The following DENND2B variants were observed in gnomAD, a reference collection of about 807,000 sequenced individuals.
DENND2B encodes the protein DENN domain-containing protein 2B.
A neutral mutation model predicts 116.0 loss-of-function variants in DENND2B; 32 were observed. The observed-to-expected ratio is 0.28, with a 90% CI of 0.21 to 0.37. The LOEUF is 0.37. Among genes scored for constraint, DENND2B ranks in the 10% least tolerant of loss-of-function variants. The pLI is 1.00. For missense variants in DENND2B, 1,276 were observed against 1,477.7 expected (o/e 0.86, Z 2.24); for synonymous variants, 588 against 583.9 (o/e 1.01, Z -0.10).
chr11:8,837,509 G>A (rs770663825), intron 4 of DENND2B, among the ~76,000 whole-genome samples: 5 of 152,106 alleles, frequency 3.3e-5, no homozygotes, highest in South Asian at 2.1e-4. Context: ...CACCATGCCC[G>A]GCTAATTTTT....
In DENND2B at chr11:8,693,921, A is replaced by G. The variant is rs1335725921; in HGVS notation, c.*175T>C. Reference sequence around the variant, plus strand: ...ACAAAAAACAGTTAAGAAAGCTTACAGCAGATTATTTACAAACAGTATCCT... The same window carrying G: ...ACAAAAAACAGTTAAGAAAGCTTACGGCAGATTATTTACAAACAGTATCCT... On this transcript the variant is annotated 3_prime_UTR_variant, in exon 20 of 20. Coordinates refer to ENST00000313726, the MANE Select transcript of DENND2B (RefSeq NM_213618.2). 7 of 595,268 alleles carry G rather than the reference A, an allele frequency of 1.2e-5. No individual in the cohort carries two copies. The highest frequency in any genetic ancestry group is 3.2e-5 in the Admixed American group (1 of 30,868). 36.9% of individuals were successfully genotyped at this position (595,268 alleles called of 1,614,324 possible). A position where few individuals can be genotyped will look rare whatever the true frequency, so the allele number is the denominator to read the frequency against.
Position 8,705,497 on chromosome 11 carries a change from G to A in DENND2B, c.2571+1588C>T, listed in dbSNP as rs763748942. On this transcript the variant is annotated intron_variant, in intron 13 of 19. Coordinates refer to ENST00000313726, the MANE Select transcript of DENND2B (RefSeq NM_213618.2). ...TTCCTCTCCTGCAGGGCCTCTGCAC[G>A]TTGGGGTTCCCCAGGACTGAGGAGG... is the stretch of plus-strand genomic sequence containing the variant. Among the ~76,000 whole-genome samples, 82 of 152,088 alleles carry A rather than the reference G, an allele frequency of 5.4e-4. 1 individual carries two copies. The highest frequency in any genetic ancestry group is 8.4e-4 in the Non-Finnish European group (57 of 68,014).
intron 2 of DENND2B, among the ~76,000 whole-genome samples, chr11:8,746,365 C>T (rs2051251139): frequency 6.6e-6 from 1 of 152,334 alleles, no homozygotes; most frequent in South Asian, 2.1e-4. Context: ...TGCCAATTAG[C>T]TGTGTGGGCT....
intron 4 of DENND2B, among the ~76,000 whole-genome samples, chr11:8,827,911 T>C (rs2062040773): frequency 6.6e-6 from 1 of 152,164 alleles, no homozygotes; most frequent in Non-Finnish European, 1.5e-5. Context: ...TTCCTTCCTC[T>C]ACTATCCAGG....
At chr11:8,827,684 G>A (rs149917846) in intron 4 of DENND2B, among the ~76,000 whole-genome samples, 9 of 152,266 alleles carry the variant, frequency 5.9e-5, no homozygotes, top group Admixed American at 1.3e-4. Context: ...TATGTGGTTG[G>A]GATTTGGGGG....
Position 8,730,241 on chromosome 11 carries a change from G to A in DENND2B, c.1049C>T (p.Pro350Leu). The part of the protein sequence containing the change: ...GVAGVAGEAG[P>L]PPEREGSGST... The stretch of plus-strand genomic sequence containing the variant: ...ACCACTGCCTTCCCTCTCTGGGGGT[G>A]GGCCCGCCTCCCCCGCAACACCAGC... Residue 350 changes from proline (P) to leucine (L), a missense_variant, in exon 3 of 20, where the codon CCA (proline) becomes CTA (leucine). Coordinates refer to ENST00000313726, the MANE Select transcript of DENND2B (RefSeq NM_213618.2). This position sits in a 1 kb window ranked among gnomAD's most constrained non-coding sequence, Gnocchi z 4.1. 3 of 1,612,170 alleles carry A rather than the reference G, an allele frequency of 1.9e-6. No individual in the cohort carries two copies. The highest frequency in any genetic ancestry group is 8.5e-7 in the Non-Finnish European group (1 of 1,179,402).
At chr11:8,890,436 C>T (rs900717186) in intron 1 of DENND2B, among the ~76,000 whole-genome samples, 5 of 152,148 alleles carry the variant, frequency 3.3e-5, no homozygotes, top group Non-Finnish European at 5.9e-5. Context: ...GATGATCAAA[C>T]TTCTCTGAGC....
rs772283096 is a variant in DENND2B, at chr11:8,730,019, G to C, written c.1271C>G (p.Ser424Cys). 9 of 1,614,216 alleles carry C rather than the reference G, an allele frequency of 5.6e-6. No homozygotes were observed. The highest frequency in any genetic ancestry group is 1.7e-5 in the Admixed American group (1 of 60,030). The change falls in exon 3 of 20, where the codon TCC (serine) becomes TGC (cysteine). Residue 424 changes from serine (S) to cysteine (C), a missense_variant. This residue lies in a region of DENND2B where 856 missense variants were observed against 846.6 expected (regional missense o/e 1.01). Coordinates refer to ENST00000313726, the MANE Select transcript of DENND2B (RefSeq NM_213618.2). The surrounding 1 kb of genome is among the most constrained non-coding windows in gnomAD (Gnocchi z 4.1). ...CCGGGTGACTGGCGGGGCTGGGGTGGAGGGCAAGGGAGGTGGAGCAGCAGG... is the reference window on the plus strand; with the variant it reads ...CCGGGTGACTGGCGGGGCTGGGGTGCAGGGCAAGGGAGGTGGAGCAGCAGG... ...PTPAAPPPLP[S>C]TPAPPVTRRP...
At chr11:8,828,940 A>AGTGTGTGTGTGTGGG (rs2062085168) in intron 4 of DENND2B, among the ~76,000 whole-genome samples, 1 of 151,114 alleles carries the variant, frequency 6.6e-6, no homozygotes, top group East Asian at 1.9e-4. Flanking sequence ...GGGAGGAGAA[A>AGTGTGTGTGTGTGGG]GTGTGTGTGT....
chr11:8,798,022 C>G (rs1565971769), intron 1 of DENND2B, among the ~76,000 whole-genome samples: 2 of 152,294 alleles, frequency 1.3e-5, no homozygotes, highest in East Asian at 3.9e-4. Context: ...GCTCACAGTT[C>G]AAACGTCATT....
chr11:8,809,561 A>G (rs903247295), intron 1 of DENND2B: 1 of 152,164 alleles, frequency 6.6e-6, no homozygotes, highest in Non-Finnish European at 1.5e-5. Flanking sequence ...CCACTACCCT[A>G]TCACCTATAA....
Position 8,712,820 on chromosome 11 carries a change from TG to T in DENND2B, c.1988-86del, listed in dbSNP as rs2044004388. The T allele has an allele frequency of 2.8e-6, 4 of 1,411,988 alleles. 1 individual carries two copies. Among genetic ancestry groups the T allele is most frequent in the South Asian group, 2.8e-5 (2 of 71,228 alleles). 87.5% of individuals were successfully genotyped at this position (1,411,988 alleles called of 1,614,324 possible). Reference sequence around the variant, plus strand: ...CCCCTGGCTCAGGGCTCCATTGCTGTGGAGCACTTTTAAGTACGTGAGCCTA... The same window carrying T: ...CCCCTGGCTCAGGGCTCCATTGCTGTGAGCACTTTTAAGTACGTGAGCCTA... On this transcript the variant is annotated intron_variant, in intron 8 of 19. Coordinates refer to ENST00000313726, the MANE Select transcript of DENND2B (RefSeq NM_213618.2). This position sits in a 1 kb window ranked among gnomAD's most constrained non-coding sequence, Gnocchi z 4.4.
Position 8,803,659 on chromosome 11 carries a change from C to T in DENND2B, c.-26+6858G>A, listed in dbSNP as rs565330359. ...AGCATATTTGTGTCTACAACTAAGT[C>T]GAGTGCCTTACATAAATTAACACAT... is the stretch of plus-strand genomic sequence containing the variant. On this transcript the variant is annotated intron_variant, in intron 1 of 19. Coordinates refer to ENST00000313726, the MANE Select transcript of DENND2B (RefSeq NM_213618.2). Among the ~76,000 whole-genome samples the T allele has an allele frequency of 4.6e-5, 7 of 152,320 alleles. No homozygotes were observed. In the East Asian group the frequency reaches 7.7e-4, roughly 17 times the overall value.
At chr11:8,718,788 T>C in intron 4 of DENND2B, 2 of 1,012,474 alleles carry the variant, frequency 2.0e-6, no homozygotes, top group Non-Finnish European at 2.4e-6. Context: ...CAAAACAGAA[T>C]CCCTGCCCTT....
intron 5 of DENND2B, among the ~76,000 whole-genome samples, chr11:8,717,150 C>T (rs11042049): frequency 2.0e-3 from 302 of 152,296 alleles, no homozygotes; most frequent in Non-Finnish European, 3.2e-3. Context: ...AGCTGAAGTC[C>T]AAGAGCTTCC....
At chr11:8,887,672 G>A (rs1164576007) in intron 1 of DENND2B, among the ~76,000 whole-genome samples, 3 of 152,104 alleles carry the variant, frequency 2.0e-5, no homozygotes, top group Non-Finnish European at 2.9e-5. Context: ...CATACTAGAA[G>A]GATCCTCTGC....
chr11:8,716,701 G>A (rs1104772), intron 5 of DENND2B, among the ~76,000 whole-genome samples: 253 of 151,368 alleles, frequency 1.7e-3, no homozygotes, highest in South Asian at 2.7e-3. Context: ...AGGTAGGAGT[G>A]CAGTGGAGCG....
Position 8,707,416 on chromosome 11 carries a change from C to T in DENND2B, c.2431-191G>A. ...TTGGCACTCAGTGACTCCTCTGTTCCCTAACTGGCCTTGCTTCAGTCCCCA... is the reference window on the plus strand; with the variant it reads ...TTGGCACTCAGTGACTCCTCTGTTCTCTAACTGGCCTTGCTTCAGTCCCCA... On this transcript the variant is annotated intron_variant, in intron 12 of 19. Coordinates refer to ENST00000313726, the MANE Select transcript of DENND2B (RefSeq NM_213618.2). This position sits in a 1 kb window ranked among gnomAD's most constrained non-coding sequence, Gnocchi z 4.8. 1.3e-6 allele frequency: 1 copy of T among 764,134 alleles called. No individual in the cohort carries two copies. The allele number at this position is 764,134 out of a possible 1,614,324, so 47.3% of individuals were successfully genotyped here.
intron 1 of DENND2B, among the ~76,000 whole-genome samples, chr11:8,777,799 A>G (rs1169941390): frequency 3.3e-5 from 5 of 152,200 alleles, no homozygotes; most frequent in African/African-American, 9.7e-5. Context: ...ATCCCTACTT[A>G]TATTTCCAGC....
Sources: gnomAD v4.1 joint callset for allele counts (sites outside exome capture counted in the v4.1 genomes callset) on GRCh38, gnomAD v4.1.1 for gene constraint, gnomAD v4.1.1 regional missense constraint, Gnocchi (gnomAD v3.1) non-coding constraint, MANE v1.5 for transcripts, NCBI Gene and HGNC (gene_info 2026-07-23, HGNC 2026-07-21) for gene names.